The following ANK3 variants were observed in gnomAD, a reference collection of about 807,000 sequenced individuals.
The protein encoded by ANK3 is ankyrin-3.
In ANK3, 57 loss-of-function variants were observed where a neutral mutation model predicts 370.9. That is an observed-to-expected ratio of 0.15 (90% CI 0.12 to 0.19). ANK3 has a LOEUF of 0.19. Ranked by LOEUF, ANK3 falls within the 10% of genes least tolerant of loss-of-function variation. The pLI is 1.00. For synonymous variants in ANK3, 1,929 were observed against 1,946.3 expected, an observed-to-expected ratio of 0.99 and a Z score of 0.23; for missense variants, 4,439 against 5,302.1, an observed-to-expected ratio of 0.84 and a Z score of 5.06.
At chr10:60,140,302 T>G (rs765611793) in intron 23 of ANK3, 19 of 1,581,676 alleles carry the variant, frequency 1.2e-5, no homozygotes, top group Admixed American at 1.7e-5. Context: ...GCACATTCAC[T>G]GCATCTCAAA....
At chr10:60,379,215 A>G (rs190306029) in intron 1 of ANK3, among the ~76,000 whole-genome samples, 1 of 152,278 alleles carries the variant, frequency 6.6e-6, no homozygotes, top group East Asian at 1.9e-4. Flanking sequence ...AATAAAAATA[A>G]CAAATGCTGG....
intron 1 of ANK3, among the ~76,000 whole-genome samples, chr10:60,382,001 T>G (rs1467450292): frequency 1.3e-5 from 2 of 152,190 alleles, no homozygotes; most frequent in Non-Finnish European, 2.9e-5. Flanking sequence ...TAAACAAAAT[T>G]TACCATGTTT....
At chr10:60,626,293 AAAAC>A (rs2078409135) in intron 1 of ANK3, among the ~76,000 whole-genome samples, 1 of 152,208 alleles carries the variant, frequency 6.6e-6, no homozygotes, top group Admixed American at 6.6e-5. Flanking sequence ...GACATTTTAA[AAAAC>A]AAATTTGTGA....
At chr10:60,554,780 T>C (rs75700446) in intron 2 of ANK3, among the ~76,000 whole-genome samples, 15,979 of 152,238 alleles carry the variant, frequency 0.1, 925 homozygotes, top group South Asian at 0.2. Context: ...TACATTACCA[T>C]GTATATTTGT....
At chr10:60,629,746 T>C (rs1008533404) in intron 1 of ANK3, among the ~76,000 whole-genome samples, 7 of 152,196 alleles carry the variant, frequency 4.6e-5, no homozygotes, top group African/African-American at 1.7e-4. Context: ...AAATCTTTTA[T>C]AAAAAAAGAA....
intron 2 of ANK3, among the ~76,000 whole-genome samples, chr10:60,489,388 AT>A (rs1283400225): frequency 1.3e-5 from 2 of 152,210 alleles, no homozygotes; most frequent in African/African-American, 4.8e-5. Flanking sequence ...ATTACATTAT[AT>A]TTTATTTATT....
At chr10:60,425,733 G>A (rs1387736091) in intron 2 of ANK3, among the ~76,000 whole-genome samples, 3 of 152,128 alleles carry the variant, frequency 2.0e-5, no homozygotes, top group African/African-American at 7.2e-5. Flanking sequence ...GCATGACAGG[G>A]AACGGCTGAG....
intron 1 of ANK3, among the ~76,000 whole-genome samples, chr10:60,728,808 T>C (rs2079979556): frequency 6.6e-6 from 1 of 152,176 alleles, no homozygotes; most frequent in Non-Finnish European, 1.5e-5. Context: ...GGTTACCAAA[T>C]TACAGCTTGT....
At chr10:60,633,396 A>C (rs1040414951) in intron 1 of ANK3, among the ~76,000 whole-genome samples, 5 of 152,200 alleles carry the variant, frequency 3.3e-5, no homozygotes, top group Non-Finnish European at 7.3e-5. Flanking sequence ...TTTATTTTCT[A>C]ATAATAGACT....
chr10:60,712,577 C>T (rs1357485747), intron 1 of ANK3, among the ~76,000 whole-genome samples: 1 of 151,962 alleles, frequency 6.6e-6, no homozygotes, highest in African/African-American at 2.4e-5. Context: ...GCAGCAAATA[C>T]AAAACAGTGA....
intron 1 of ANK3, among the ~76,000 whole-genome samples, chr10:60,296,798 G>A (rs1208060978): frequency 6.6e-6 from 1 of 151,950 alleles, no homozygotes; most frequent in Admixed American, 6.6e-5. Context: ...TGAACATAGT[G>A]GGGCCCTGTC....
chr10:60,497,825 G>A lies in ANK3; in HGVS notation c.96+117361C>T, dbSNP rs142531387. ...TCCTAGATGATAACACAGAGATATA[G>A]ATGCACCATACAAAGCACCGCACAC... On this transcript the variant is annotated intron_variant, in intron 2 of 43. Coordinates refer to the ANK3 transcript ENST00000373827. Among the ~76,000 whole-genome samples, 435 of 152,184 alleles carry A rather than the reference G, an allele frequency of 2.9e-3. 1 individual carries two copies. Among genetic ancestry groups the A allele is most frequent in the Non-Finnish European group, 4.9e-3 (333 of 68,002 alleles).
intron 1 of ANK3, among the ~76,000 whole-genome samples, chr10:60,375,554 C>T (rs190592773): frequency 6.6e-5 from 10 of 152,184 alleles, no homozygotes; most frequent in African/African-American, 2.2e-4. Flanking sequence ...CCAAGCAGGC[C>T]GAGGCACCTT....
intron 42 of ANK3, among the ~76,000 whole-genome samples, chr10:60,054,363 G>C (rs931919939): frequency 6.6e-6 from 1 of 152,146 alleles, no homozygotes. Context: ...GTTAAAGAAG[G>C]CCTGAAAAAG....
intron 7 of ANK3, among the ~76,000 whole-genome samples, chr10:60,254,557 G>T (rs12413212): frequency 6.6e-6 from 1 of 152,130 alleles, no homozygotes; most frequent in Admixed American, 6.5e-5. Context: ...AAAGCTTGGC[G>T]ATAGACTTTT....
intron 8 of ANK3, among the ~76,000 whole-genome samples, chr10:60,233,342 G>A (rs545879213): frequency 5.2e-4 from 79 of 152,282 alleles, no homozygotes; most frequent in African/African-American, 1.9e-3. Flanking sequence ...CTAAGTCTTG[G>A]TTTTTTCCCC....
chr10:60,353,573 T>C (rs764584880), intron 1 of ANK3, among the ~76,000 whole-genome samples: 29 of 152,152 alleles, frequency 1.9e-4, no homozygotes, highest in Non-Finnish European at 4.0e-4. Context: ...GAACTCTGTT[T>C]TGAAGATGCT....
intron 23 of ANK3, among the ~76,000 whole-genome samples, chr10:60,154,493 A>G (rs2095264402): frequency 6.6e-6 from 1 of 152,100 alleles, no homozygotes; most frequent in South Asian, 2.1e-4. Context: ...GATTGTGTCA[A>G]GTCAAAATCT....
chr10:60,650,854 C>A (rs1223956043), intron 1 of ANK3, among the ~76,000 whole-genome samples: 1 of 152,148 alleles, frequency 6.6e-6, no homozygotes, highest in Non-Finnish European at 1.5e-5. Context: ...AAGGCCAGGG[C>A]AAAACAATTG....
Sources: gnomAD v4.1 joint callset for allele counts (sites outside exome capture counted in the v4.1 genomes callset) on GRCh38, gnomAD v4.1.1 for gene constraint, MANE v1.5 for transcripts, NCBI Gene and HGNC (gene_info 2026-07-23, HGNC 2026-07-21) for gene names.